Variants in VIT observed in about 807,000 individuals in gnomAD.
VIT encodes the protein vitrin.
A neutral mutation model predicts 78.0 loss-of-function variants in VIT; 99 were observed. That is an observed-to-expected ratio of 1.27 (90% CI 1.08 to 1.50). The LOEUF (loss-of-function observed/expected upper bound fraction) is 1.50, where lower values mean the gene tolerates loss of function less well. VIT is among the 40% of genes most tolerant of loss of function. The pLI is 0.00. For synonymous variants in VIT, 374 were observed against 334.3 expected (o/e 1.12, Z -1.29); for missense variants, 1,126 against 875.3 (o/e 1.29, Z -3.61).
intron 9 of VIT, among the ~76,000 whole-genome samples, chr2:36,777,468 A>C (rs1402146868): frequency 6.6e-6 from 1 of 152,010 alleles, no homozygotes; most frequent in African/African-American, 2.4e-5. Context: ...ACACCAGGGC[A>C]CCCCGAGCAG....
At chr2:36,795,321 T>C (rs562176906) in intron 12 of VIT, among the ~76,000 whole-genome samples, 14 of 152,120 alleles carry the variant, frequency 9.2e-5, no homozygotes, top group Non-Finnish European at 2.1e-4. Flanking sequence ...CCAGCTAAGG[T>C]CAAACAAGAC....
At chr2:36,783,242 C>T (rs1443494914) in intron 10 of VIT, 98 bp from the exon 11 acceptor site, 2 of 1,176,472 alleles carry the variant, frequency 1.7e-6, no homozygotes, top group Non-Finnish European at 1.2e-6. Context: ...GCCAAGCCCC[C>T]AAGCTGGGTG....
chr2:36,769,498 G>A (rs1669623612), intron 7 of VIT, among the ~76,000 whole-genome samples: 1 of 152,182 alleles, frequency 6.6e-6, no homozygotes, highest in South Asian at 2.1e-4. Flanking sequence ...CAGACTGCTA[G>A]ACAAACGCTC....
intron 3 of VIT, among the ~76,000 whole-genome samples, chr2:36,732,019 A>G (rs972518775): frequency 3.9e-5 from 6 of 152,212 alleles, no homozygotes; most frequent in African/African-American, 1.2e-4. Context: ...AAATACTAAA[A>G]AGGAATCAGT....
intron 12 of VIT, among the ~76,000 whole-genome samples, chr2:36,800,319 T>C (rs573264536): frequency 6.6e-6 from 1 of 152,232 alleles, no homozygotes; most frequent in South Asian, 2.1e-4. Flanking sequence ...CACTCCAGCC[T>C]GGGTGACAGA....
intron 15 of VIT, among the ~76,000 whole-genome samples, chr2:36,813,295 C>T (rs1341328460): frequency 6.6e-6 from 1 of 151,880 alleles, no homozygotes; most frequent in African/African-American, 2.4e-5. Flanking sequence ...ACTAAAAATA[C>T]AAAAATTAGC....
rs76242395 is a variant in VIT at position 36,814,734 on chromosome 2, T to C, written c.*373T>C. 6.1e-4 allele frequency: 102 copies of C among 166,374 alleles called. 2 individuals carry two copies. In the East Asian group the frequency reaches 9.1e-3, roughly 15 times the overall value. 10.3% of individuals were successfully genotyped at this position (166,374 alleles called of 1,614,324 possible). On this transcript the variant is annotated 3_prime_UTR_variant, in exon 16 of 16. Coordinates refer to ENST00000379242, the MANE Select transcript of VIT (RefSeq NM_053276.4). ...AGAACTCTGTAACCCTCAGCAAGTT[T>C]CATTTTTGTCATGACAATGTAGGAA...
At chr2:36,747,978 T>C (rs989912379) in intron 4 of VIT, among the ~76,000 whole-genome samples, 2 of 152,218 alleles carry the variant, frequency 1.3e-5, no homozygotes, top group African/African-American at 4.8e-5. Context: ...CTCCTTTGCT[T>C]ATGAAGCTTA....
intron 2 of VIT, among the ~76,000 whole-genome samples, chr2:36,726,018 G>A (rs761408468): frequency 3.3e-5 from 5 of 150,216 alleles, no homozygotes; most frequent in African/African-American, 1.2e-4. Context: ...GCAGTGAGTC[G>A]AGACTGCACT....
intron 2 of VIT, among the ~76,000 whole-genome samples, chr2:36,724,323 A>T (rs1666705499): frequency 1.3e-5 from 2 of 152,120 alleles, no homozygotes. Flanking sequence ...AACTCTCTTC[A>T]AGTTTTCTTG....
chr2:36,699,626 G>GTAGATAGA (rs10530448), intron 1 of VIT, among the ~76,000 whole-genome samples: 6,522 of 141,736 alleles, frequency 0.046, 189 homozygotes, highest in African/African-American at 0.067. Context: ...AGATATATAG[G>GTAGATAGA]TAGATAGATA....
At chr2:36,780,505 C>G (rs1425293988) in intron 9 of VIT, among the ~76,000 whole-genome samples, 1 of 152,186 alleles carries the variant, frequency 6.6e-6, no homozygotes, top group Non-Finnish European at 1.5e-5. Context: ...AATGCGGAGA[C>G]TATCTTGCCC....
chr2:36,813,470 T>A (rs1413213884), intron 15 of VIT, among the ~76,000 whole-genome samples: 2 of 152,050 alleles, frequency 1.3e-5, no homozygotes, highest in Admixed American at 1.3e-4. Flanking sequence ...CAAAAACCCA[T>A]TGAGCACTTT....
intron 4 of VIT, among the ~76,000 whole-genome samples, chr2:36,752,577 A>G (rs1668528609): frequency 6.6e-6 from 1 of 152,192 alleles, no homozygotes; most frequent in Admixed American, 6.5e-5. Flanking sequence ...ATGAGGTGGT[A>G]TTTACATAAA....
intron 1 of VIT, 68 bp downstream of exon 1, chr2:36,697,041 G>A (rs1436744886): frequency 6.6e-6 from 1 of 151,916 alleles, no homozygotes; most frequent in Admixed American, 6.6e-5. Context: ...AAACGTATTT[G>A]TCTTTAAGAA....
At position 36,787,221 on chromosome 2, in the gene VIT, G is replaced by T. The variant is rs1292875788; in HGVS notation, c.1003G>T (p.Ala335Ser). Reference sequence around the variant, plus strand: ...CCAGAAGCAGCTCCTGGCTGATGTTGCCCAAGCTCTTGACATTGGCCCTGC... The same window carrying T: ...CCAGAAGCAGCTCCTGGCTGATGTTTCCCAAGCTCTTGACATTGGCCCTGC... ...RIQKQLLADV[A>S]QALDIGPAGP... The change falls in exon 12 of 16, where the codon GCC becomes TCC. Residue 335 changes from alanine to serine, a missense_variant. Transcript: ENST00000379242. 1 of 1,614,134 alleles carries T rather than the reference G, an allele frequency of 6.2e-7. No individual in the cohort carries two copies. The highest frequency in any genetic ancestry group is 1.1e-5 in the South Asian group (1 of 91,078).
intron 12 of VIT, among the ~76,000 whole-genome samples, chr2:36,796,645 G>C (rs10179471): frequency 1.8e-4 from 28 of 151,808 alleles, no homozygotes; most frequent in African/African-American, 6.8e-4. Context: ...TTAGTTTTTT[G>C]TTGTTGTTGT....
chr2:36,799,764 A>G (rs1244856513), intron 12 of VIT, among the ~76,000 whole-genome samples: 2 of 151,612 alleles, frequency 1.3e-5, no homozygotes, highest in Admixed American at 6.6e-5. Flanking sequence ...AGTAGCCTCT[A>G]TGGCTAGGCT....
chr2:36,731,165 G>A (rs1054629944), intron 3 of VIT, among the ~76,000 whole-genome samples: 17 of 151,978 alleles, frequency 1.1e-4, no homozygotes, highest in African/African-American at 2.7e-4. Context: ...GCCTCCTACC[G>A]CTCTCAATAG....
Sources: allele counts gnomAD v4.1 joint callset (sites outside exome capture counted in the v4.1 genomes callset), GRCh38; gene constraint gnomAD v4.1.1; transcripts MANE v1.5; gene names NCBI Gene and HGNC (gene_info 2026-07-23, HGNC 2026-07-21).